Variants in CNTNAP3B observed in about 807,000 individuals in gnomAD.
The protein encoded by CNTNAP3B is contactin-associated protein-like 3B.
CNTNAP3B carries 25 observed loss-of-function variants against 108.9 expected under a neutral mutation model. That is an observed-to-expected ratio of 0.23 (90% CI 0.17 to 0.32). CNTNAP3B has a LOEUF of 0.32. Ranked by LOEUF, CNTNAP3B falls within the 10% of genes least tolerant of loss-of-function variation. The pLI is 1.00. For synonymous variants in CNTNAP3B, 103 were observed against 473.4 expected, an observed-to-expected ratio of 0.22 and a Z score of 10.16; for missense variants, 252 against 1,210.4, an observed-to-expected ratio of 0.21 and a Z score of 11.75.
chr9:42,109,379 G>C (rs1416568682), intron 1 of CNTNAP3B, among the ~76,000 whole-genome samples: 2 of 147,464 alleles, frequency 1.4e-5, no homozygotes, highest in Non-Finnish European at 3.0e-5. Flanking sequence ...TTCTGGAAAA[G>C]ATAAACATAA....
At chr9:42,049,388 C>T (rs1458462871) in intron 3 of CNTNAP3B, among the ~76,000 whole-genome samples, 2 of 137,410 alleles carry the variant, frequency 1.5e-5, no homozygotes, top group African/African-American at 2.9e-5. Flanking sequence ...CAGCATGGTA[C>T]CTTTTTTTCC....
intron 3 of CNTNAP3B, among the ~76,000 whole-genome samples, chr9:42,021,945 C>T (rs1204640171): frequency 8.1e-6 from 1 of 123,394 alleles, no homozygotes; most frequent in Non-Finnish European, 1.7e-5. Flanking sequence ...CTTCAAGTTG[C>T]CCTTAATCAT....
intron 14 of CNTNAP3B, among the ~76,000 whole-genome samples, chr9:41,931,708 A>T (rs911087235): frequency 2.0e-5 from 3 of 150,496 alleles, no homozygotes; most frequent in African/African-American, 7.4e-5. Context: ...GACAAGCTAG[A>T]AATATGTCTC....
intron 8 of CNTNAP3B, among the ~76,000 whole-genome samples, chr9:41,988,543 C>T (rs1825751557): frequency 6.8e-6 from 1 of 146,842 alleles, no homozygotes; most frequent in Non-Finnish European, 1.5e-5. Context: ...AGCCACCACA[C>T]CTGGCCCCTT....
chr9:41,938,663 A>G (rs1242633979), intron 13 of CNTNAP3B, among the ~76,000 whole-genome samples: 1 of 152,290 alleles, frequency 6.6e-6, no homozygotes, highest in African/African-American at 2.4e-5. Context: ...TGCACGTGAT[A>G]CATACTTTCT....
In CNTNAP3B at chr9:42,112,881, T is replaced by TTG. The variant is rs1442875520; in HGVS notation, c.86-8143_86-8142insCA. 2.3e-5 allele frequency among the ~76,000 whole-genome samples: 3 copies of TTG among 128,556 alleles called. 1 individual carries two copies. The highest frequency in any genetic ancestry group is 4.9e-5 in the Non-Finnish European group (3 of 61,488). 84.3% of individuals were successfully genotyped at this position (128,556 alleles called of 152,430 possible). On this transcript the variant is annotated intron_variant, in intron 1 of 23. Transcript: ENST00000377561. The stretch of plus-strand genomic sequence containing the variant: ...AAAGTTTACAGAGTTTTTTTTTTTT[T>TTG]TTTTTTGAGACGGAGCCTCGCCCTG...
chr9:42,099,307 C>A (rs1427864964), intron 2 of CNTNAP3B, among the ~76,000 whole-genome samples: 1 of 124,226 alleles, frequency 8.0e-6, no homozygotes, highest in Non-Finnish European at 1.7e-5. Flanking sequence ...TCAACAATGG[C>A]ATGCATCTGT....
intron 4 of CNTNAP3B, among the ~76,000 whole-genome samples, chr9:42,001,204 C>T (rs1229985574): frequency 1.1e-5 from 1 of 88,964 alleles, no homozygotes; most frequent in East Asian, 3.7e-4. Flanking sequence ...AATCCCAGCC[C>T]TTTGGGAGGC....
intron 14 of CNTNAP3B, among the ~76,000 whole-genome samples, chr9:41,932,668 C>T (rs1372542217): frequency 7.2e-5 from 11 of 152,140 alleles, no homozygotes; most frequent in South Asian, 4.1e-4. Flanking sequence ...TACATGCGTG[C>T]GCCACTACGC....
At position 42,110,660 on chromosome 9, in the gene CNTNAP3B, G is replaced by A. The variant is rs553127702; in HGVS notation, c.86-5921C>T. On this transcript the variant is annotated intron_variant, in intron 1 of 23. Transcript: ENST00000377561. ...TTGAGTCAGCAGGGAGCACGGCCTCGGGAATCGAATCACAAACAGGGAAGG... is the reference window on the plus strand; with the variant it reads ...TTGAGTCAGCAGGGAGCACGGCCTCAGGAATCGAATCACAAACAGGGAAGG... Among the ~76,000 whole-genome samples the A allele has an allele frequency of 2.9e-5, 4 of 137,722 alleles. 1 individual carries two copies. Among genetic ancestry groups the A allele is most frequent in the African/African-American group, 5.8e-5 (2 of 34,524 alleles). The allele number at this position is 137,722 out of a possible 152,430, so 90.4% of individuals were successfully genotyped here. A position where few individuals can be genotyped will look rare whatever the true frequency, so the allele number is the denominator to read the frequency against.
At chr9:41,962,643 G>A (rs1795252612) in intron 11 of CNTNAP3B, among the ~76,000 whole-genome samples, 1 of 142,160 alleles carries the variant, frequency 7.0e-6, no homozygotes, top group Middle Eastern at 3.4e-3. Context: ...GGTGTGAGAG[G>A]CCACTCAACT....
Position 42,113,786 on chromosome 9 carries a change from TAA to T in CNTNAP3B, c.86-9049_86-9048del, listed in dbSNP as rs1462129459. Among the ~76,000 whole-genome samples the T allele has an allele frequency of 4.4e-4, 61 of 139,078 alleles. 16 individuals carry two copies. The highest frequency in any genetic ancestry group is 1.7e-3 in the African/African-American group (60 of 35,106). 91.2% of individuals were successfully genotyped at this position (139,078 alleles called of 152,430 possible). On this transcript the variant is annotated intron_variant, in intron 1 of 23. Coordinates refer to ENST00000377561, the MANE Select transcript of CNTNAP3B (RefSeq NM_001201380.3). ...CTTAATTGTACATTTTTAAATAACTTAAAGAGTGTAATTGGATTGTTTGCAAC... is the reference window on the plus strand; with the variant it reads ...CTTAATTGTACATTTTTAAATAACTTAGAGTGTAATTGGATTGTTTGCAAC...
chr9:41,935,732 A>C (rs1824137408), intron 14 of CNTNAP3B, among the ~76,000 whole-genome samples: 1 of 152,278 alleles, frequency 6.6e-6, no homozygotes, highest in Admixed American at 6.5e-5. Flanking sequence ...AGTAAATAAA[A>C]TAAGGTTAAA....
intron 4 of CNTNAP3B, among the ~76,000 whole-genome samples, chr9:42,004,022 T>C (rs1433186877): frequency 1.2e-4 from 18 of 145,664 alleles, no homozygotes; most frequent in South Asian, 2.3e-4. Context: ...CATAGAGTTA[T>C]AATTTATATT....
At chr9:41,966,428 G>T (rs2645566) in intron 10 of CNTNAP3B, among the ~76,000 whole-genome samples, 2 of 152,206 alleles carry the variant, frequency 1.3e-5, no homozygotes, top group African/African-American at 2.4e-5. Flanking sequence ...TTTACATGTA[G>T]TACAAATAAT....
At chr9:41,919,541 A>C (rs1823612203) in intron 18 of CNTNAP3B, among the ~76,000 whole-genome samples, 1 of 152,312 alleles carries the variant, frequency 6.6e-6, no homozygotes, top group Non-Finnish European at 1.5e-5. Context: ...GTCAATATTT[A>C]AATATTCTTT....
chr9:42,097,108 C>T (rs995821758), intron 2 of CNTNAP3B, among the ~76,000 whole-genome samples: 2 of 139,126 alleles, frequency 1.4e-5, no homozygotes, highest in Admixed American at 7.1e-5. Flanking sequence ...TGTGTGGATC[C>T]AATATCTGCT....
intron 1 of CNTNAP3B, among the ~76,000 whole-genome samples, chr9:42,113,062 C>T (rs1828229375): frequency 7.4e-6 from 1 of 134,636 alleles, no homozygotes; most frequent in South Asian, 2.4e-4. Context: ...GTCAAGTTTA[C>T]ATAAATTTAA....
intron 13 of CNTNAP3B, among the ~76,000 whole-genome samples, chr9:41,944,310 G>A (rs1271941857): frequency 1.4e-5 from 2 of 147,486 alleles, no homozygotes; most frequent in East Asian, 3.9e-4. Context: ...CTTAATTGAT[G>A]TAATAGGTAA....
Sources: allele counts gnomAD v4.1 joint callset (sites outside exome capture counted in the v4.1 genomes callset), GRCh38; gene constraint gnomAD v4.1.1; transcripts MANE v1.5; gene names NCBI Gene and HGNC (gene_info 2026-07-23, HGNC 2026-07-21).